The following GTF3A variants were observed in gnomAD, a reference collection of about 807,000 sequenced individuals.
GTF3A encodes the protein general transcription factor IIIA, also known as transcription factor IIIA.
In GTF3A, 40 loss-of-function variants were observed where a neutral mutation model predicts 37.6. That is an observed-to-expected ratio of 1.06 (90% CI 0.83 to 1.38). The LOEUF (loss-of-function observed/expected upper bound fraction) is 1.38. Ranked by LOEUF, GTF3A falls within the 40% of genes most tolerant of loss-of-function variation. The pLI, the probability that GTF3A is intolerant of heterozygous loss-of-function variation, is 0.00. For synonymous variants in GTF3A, 191 were observed against 166.7 expected, an observed-to-expected ratio of 1.15 and a Z score of -1.12; for missense variants, 500 against 462.6, an observed-to-expected ratio of 1.08 and a Z score of -0.74.
Position 27,427,179 on chromosome 13 carries a change from GA to G in GTF3A, c.293del (p.Lys98SerfsTer20). 6.3e-7 allele frequency: 1 copy of G among 1,588,204 alleles called. No individual in the cohort carries two copies. The highest frequency in any genetic ancestry group is 8.6e-7 in the Non-Finnish European group (1 of 1,158,064). On this transcript the variant is annotated frameshift_variant, in exon 2 of 9. Transcript: ENST00000381140. LOFTEE classifies it high-confidence loss of function. ...CCGCCACATTCTGACTCACACAGGAGAAAAGCCGTTTGTGTAAGTAGAGACC... is the reference window on the plus strand; with the variant it reads ...CCGCCACATTCTGACTCACACAGGAGAAAGCCGTTTGTGTAAGTAGAGACC...
In GTF3A at chr13:27,432,749, T is replaced by G. The variant is rs369470376; in HGVS notation, c.507T>G (p.Cys169Trp). The change falls in exon 5 of 9, where the codon TGT becomes TGG. Residue 169 changes from cysteine to tryptophan, a missense_variant. Cys to Trp is a radical substitution (Grantham distance 215). Coordinates refer to ENST00000381140, the MANE Select transcript of GTF3A (RefSeq NM_002097.3). The stretch of plus-strand genomic sequence containing the variant: ...AATGCAGGTGTACCCAGGAAGGATG[T>G]GGGAAACACTTTGCATCACCCAGCA... The G allele has an allele frequency of 6.2e-7, 1 of 1,605,722 alleles. No individual in the cohort carries two copies. The highest frequency in any genetic ancestry group is 8.5e-7 in the Non-Finnish European group (1 of 1,176,010).
intron 4 of GTF3A, 102 bp downstream of exon 4, chr13:27,430,723 G>A: frequency 1.3e-6 from 1 of 745,014 alleles, no homozygotes; most frequent in East Asian, 2.7e-5. Flanking sequence ...TTGGCCATTT[G>A]TATATCTTCT....
chr13:27,427,719 A>G (rs1029929164), intron 2 of GTF3A, among the ~76,000 whole-genome samples: 7 of 151,922 alleles, frequency 4.6e-5, no homozygotes, highest in African/African-American at 7.3e-5. Context: ...GGAAGCAACT[A>G]TATTTGTATT....
At chr13:27,426,520 C>T (rs1328267235) in intron 1 of GTF3A, among the ~76,000 whole-genome samples, 1 of 152,100 alleles carries the variant, frequency 6.6e-6, no homozygotes, top group Non-Finnish European at 1.5e-5. Flanking sequence ...AATGAGTCAC[C>T]CCCTCCCAAC....
intron 4 of GTF3A, among the ~76,000 whole-genome samples, chr13:27,431,314 C>T (rs541570804): frequency 2.6e-5 from 4 of 152,260 alleles, no homozygotes; most frequent in Non-Finnish European, 5.9e-5. Context: ...AAAGAAGTCA[C>T]TATATGAAAA....
chr13:27,431,418 A>AAACG (rs1953655709), intron 4 of GTF3A, among the ~76,000 whole-genome samples: 1 of 152,244 alleles, frequency 6.6e-6, no homozygotes, highest in African/African-American at 2.4e-5. Context: ...TAGATAAAGA[A>AAACG]AACGTGATGT....
chr13:27,424,632 T>G lies in GTF3A; in HGVS notation c.-106T>G. Reference sequence around the variant, plus strand: ...GCGCGCTCCCGGAAGTGTGCCGGCGTCGCGCGAAGGTTCAGCAGGGAGCCG... The same window carrying G: ...GCGCGCTCCCGGAAGTGTGCCGGCGGCGCGCGAAGGTTCAGCAGGGAGCCG... On this transcript the variant is annotated 5_prime_UTR_variant, in exon 1 of 9. Transcript: ENST00000381140. 10 of 742,718 alleles carry G rather than the reference T, an allele frequency of 1.3e-5. No homozygotes were observed. Among genetic ancestry groups the G allele is most frequent in the Non-Finnish European group, 1.9e-5 (10 of 539,062 alleles). The allele number at this position is 742,718 out of a possible 1,614,324, so 46.0% of individuals were successfully genotyped here. A position where few individuals can be genotyped will look rare whatever the true frequency, so the allele number is the denominator to read the frequency against.
chr13:27,428,010 A>T (rs563615443), intron 2 of GTF3A, among the ~76,000 whole-genome samples: 41 of 152,196 alleles, frequency 2.7e-4, no homozygotes, highest in Non-Finnish European at 5.4e-4. Context: ...GTGGTGGCTC[A>T]TGCCTGTAAT....
At chr13:27,435,272 T>C in intron 8 of GTF3A, 80 bp downstream of exon 8, 2 of 1,332,488 alleles carry the variant, frequency 1.5e-6, no homozygotes, top group East Asian at 2.4e-5. Context: ...TGGAATTCTT[T>C]TCACCTGCTT....
rs375822703 is a variant in GTF3A, at chr13:27,435,790, C to T, written c.*193C>T. 1.5e-5 allele frequency: 25 copies of T among 1,613,956 alleles called. No individual in the cohort carries two copies. Among genetic ancestry groups the T allele is most frequent in the East Asian group, 6.7e-5 (3 of 44,896 alleles). Reference sequence around the variant, plus strand: ...CTTCTCCTCATTTTTGCTGAAAGCACGAAGAACACACATTAAAGCTTTTCC... The same window carrying T: ...CTTCTCCTCATTTTTGCTGAAAGCATGAAGAACACACATTAAAGCTTTTCC... On this transcript the variant is annotated 3_prime_UTR_variant, in exon 9 of 9. Coordinates refer to ENST00000381140, the MANE Select transcript of GTF3A (RefSeq NM_002097.3).
intron 2 of GTF3A, among the ~76,000 whole-genome samples, chr13:27,428,187 C>T (rs181736705): frequency 5.8e-4 from 89 of 152,330 alleles, no homozygotes; most frequent in Non-Finnish European, 9.7e-4. Context: ...TTGATCTTCT[C>T]TCATGTTCTT....
chr13:27,433,544 T>G (rs2780339), intron 5 of GTF3A, among the ~76,000 whole-genome samples: 6 of 38,042 alleles, frequency 1.6e-4, no homozygotes, highest in Non-Finnish European at 3.7e-4. Context: ...AAACTTTTTT[T>G]TTTTTTTTTG....
In GTF3A at chr13:27,430,534, G is replaced by A; in HGVS notation, c.401G>A (p.Cys134Tyr). 6.3e-7 allele frequency: 1 copy of A among 1,593,122 alleles called. No individual in the cohort carries two copies. Among genetic ancestry groups the A allele is most frequent in the Non-Finnish European group, 8.6e-7 (1 of 1,161,832 alleles). Residue 134 changes from cysteine (C) to tyrosine (Y), a missense_variant and splice_region_variant, in exon 4 of 9, where the codon TGC becomes TAC. Coordinates refer to ENST00000381140, the MANE Select transcript of GTF3A (RefSeq NM_002097.3). Reference sequence around the variant, plus strand: ...TAACGAGCCTTTACAATTTAACAGTGCAGTTTTGAAGACTGTAAGAAGACC... The same window carrying A: ...TAACGAGCCTTTACAATTTAACAGTACAGTTTTGAAGACTGTAAGAAGACC...
intron 3 of GTF3A, 53 bp downstream of exon 3, chr13:27,430,019 C>G (rs1354215473): frequency 7.3e-6 from 7 of 954,634 alleles, no homozygotes; most frequent in Non-Finnish European, 1.1e-5. Context: ...CACTTACTGC[C>G]TATGTTTCTG....
At chr13:27,434,511 T>C in intron 6 of GTF3A, 1 of 538,038 alleles carries the variant, frequency 1.9e-6, no homozygotes, top group South Asian at 2.5e-5. Context: ...CCCTGCATAC[T>C]GGGGGACAAG....
chr13:27,428,607 C>T (rs987239141), intron 2 of GTF3A, among the ~76,000 whole-genome samples: 6 of 152,192 alleles, frequency 3.9e-5, no homozygotes, highest in African/African-American at 1.4e-4. Flanking sequence ...GTGCCGGGGT[C>T]TCTCACGCCC....
Position 27,434,860 on chromosome 13 carries a change from G to A in GTF3A, c.699G>A (p.Lys233=). The change falls in exon 7 of 9, where the codon AAG becomes AAA. Residue 233 remains lysine (K), a synonymous_variant. Coordinates refer to ENST00000381140, the MANE Select transcript of GTF3A (RefSeq NM_002097.3). The stretch of plus-strand genomic sequence containing the variant: ...CATTTAAACGCAAAGATTACCTTAA[G>A]CAACACATGAAAACTCATGCCCCAG... 1 of 1,613,616 alleles carries A rather than the reference G, an allele frequency of 6.2e-7. No homozygotes were observed. The highest frequency in any genetic ancestry group is 8.5e-7 in the Non-Finnish European group (1 of 1,179,568).
At chr13:27,426,567 G>A (rs1953606764) in intron 1 of GTF3A, among the ~76,000 whole-genome samples, 1 of 152,210 alleles carries the variant, frequency 6.6e-6, no homozygotes, top group Non-Finnish European at 1.5e-5. Context: ...TTAGGGTGTT[G>A]AGCTGTTTTC....
chr13:27,434,894 G>C lies in GTF3A; in HGVS notation c.733G>C (p.Val245Leu), dbSNP rs7323. ...GAAAACTCATGCCCCAGAAAGGGAT[G>C]TATGTCGCTGTCCAAGAGAAGGCTG... Residue 245 changes from valine (V) to leucine (L), a missense_variant, in exon 7 of 9, where the codon GTA becomes CTA. Coordinates refer to ENST00000381140, the MANE Select transcript of GTF3A (RefSeq NM_002097.3). 408,087 of 1,609,672 alleles carry C rather than the reference G, an allele frequency of 0.25. 54,596 individuals are homozygous for C. Among genetic ancestry groups the C allele is most frequent in the Non-Finnish European group, 0.28 (324,660 of 1,176,076 alleles).
Sources: allele counts gnomAD v4.1 joint callset (sites outside exome capture counted in the v4.1 genomes callset), GRCh38; gene constraint gnomAD v4.1.1; transcripts MANE v1.5; gene names NCBI Gene and HGNC (gene_info 2026-07-23, HGNC 2026-07-21).